The following TTC6 variants were observed in gnomAD, a reference collection of about 807,000 sequenced individuals.
TTC6 encodes the protein tetratricopeptide repeat protein 6.
Under a neutral mutation model 210.4 loss-of-function variants are expected in TTC6, and 172 were observed. The observed-to-expected ratio is 0.82, with a 90% CI of 0.72 to 0.93. The LOEUF (loss-of-function observed/expected upper bound fraction) is 0.93, where lower values mean the gene tolerates loss of function less well. Among genes scored for constraint, TTC6 ranks in the 40% least tolerant of loss-of-function variants. The pLI is 0.00. For synonymous variants in TTC6, 804 were observed against 819.6 expected, an observed-to-expected ratio of 0.98 and a Z score of 0.32; for missense variants, 2,414 against 2,318.1, an observed-to-expected ratio of 1.04 and a Z score of -0.85.
intron 14 of TTC6, among the ~76,000 whole-genome samples, chr14:37,773,875 C>T (rs967594127): frequency 6.6e-6 from 1 of 152,074 alleles, no homozygotes; most frequent in African/African-American, 2.4e-5. Context: ...AATGTTGATT[C>T]TTTCTATCCA....
At chr14:37,814,336 G>A (rs2096136687) in intron 25 of TTC6, among the ~76,000 whole-genome samples, 1 of 152,138 alleles carries the variant, frequency 6.6e-6, no homozygotes, top group Admixed American at 6.5e-5. Context: ...CCTGATCTGT[G>A]TATGATTCAT....
chr14:37,610,585 C>G (rs1566837397), intron 2 of TTC6, among the ~76,000 whole-genome samples: 2 of 152,138 alleles, frequency 1.3e-5, no homozygotes, highest in Non-Finnish European at 2.9e-5. Context: ...GAACACAACA[C>G]AAAACAATGG....
intron 3 of TTC6, among the ~76,000 whole-genome samples, chr14:37,693,940 ATAAT>A (rs939387375): frequency 1.3e-5 from 2 of 151,830 alleles, no homozygotes; most frequent in African/African-American, 4.8e-5. Flanking sequence ...AATTGATTAA[ATAAT>A]TAAATCTAAG....
At chr14:37,818,805 A>G (rs1382246703) in intron 26 of TTC6, among the ~76,000 whole-genome samples, 1 of 152,162 alleles carries the variant, frequency 6.6e-6, no homozygotes, top group Non-Finnish European at 1.5e-5. Flanking sequence ...CCTTTGTACA[A>G]TCTATCTCTT....
chr14:37,622,418 G>C, exon 1 of TTC6: 1 of 1,534,850 alleles, frequency 6.5e-7, no homozygotes, highest in East Asian at 2.5e-5. Flanking sequence ...TTCGCCCCCG[G>C]GACTTTTACT....
intron 14 of TTC6, among the ~76,000 whole-genome samples, chr14:37,767,305 G>A (rs1401239814): frequency 3.9e-5 from 6 of 152,100 alleles, no homozygotes; most frequent in Non-Finnish European, 7.3e-5. Flanking sequence ...AGTCCTTTGG[G>A]TATATACCCA....
intron 7 of TTC6, among the ~76,000 whole-genome samples, chr14:37,726,069 C>T (rs950574442): frequency 1.3e-5 from 2 of 152,042 alleles, no homozygotes; most frequent in African/African-American, 2.4e-5. Flanking sequence ...CCTTCTTCCT[C>T]CTCCTCTTTT....
intron 26 of TTC6, among the ~76,000 whole-genome samples, chr14:37,818,717 G>C (rs1213927480): frequency 6.6e-6 from 1 of 151,962 alleles, no homozygotes; most frequent in Non-Finnish European, 1.5e-5. Context: ...GTGTTAAAAG[G>C]CTTAAACTGG....
At chr14:37,798,727 T>G (rs1276051932) in intron 20 of TTC6, among the ~76,000 whole-genome samples, 1 of 152,110 alleles carries the variant, frequency 6.6e-6, no homozygotes, top group African/African-American at 2.4e-5. Flanking sequence ...TGGGATTGAT[T>G]TTTGTAGATA....
chr14:37,841,550 A>C, exon 30 of TTC6: 1 of 1,606,402 alleles, frequency 6.2e-7, no homozygotes, highest in African/African-American at 1.3e-5. Flanking sequence ...TGAAGAAGCA[A>C]AAGAAGATTT....
exon 31 of TTC6, chr14:37,842,287 T>C (rs2096211958): frequency 3.1e-6 from 5 of 1,599,300 alleles, no homozygotes; most frequent in Non-Finnish European, 4.3e-6. Context: ...GCCTCAGTTA[T>C]ATGATTACAT....
intron 5 of TTC6, among the ~76,000 whole-genome samples, chr14:37,705,389 A>C (rs34886614): frequency 0.057 from 8,692 of 152,238 alleles, 381 homozygotes; most frequent in Non-Finnish European, 0.089. Flanking sequence ...AACATGCAAG[A>C]AAATGCGAAA....
chr14:37,614,678 T>C (rs921250822), intron 2 of TTC6, among the ~76,000 whole-genome samples: 4 of 152,154 alleles, frequency 2.6e-5, no homozygotes, highest in African/African-American at 9.7e-5. Flanking sequence ...GTCTTTATTT[T>C]GTTTACCTTT....
At chr14:37,792,868 A>T (rs1422004637) in intron 17 of TTC6, among the ~76,000 whole-genome samples, 1 of 151,624 alleles carries the variant, frequency 6.6e-6, no homozygotes, top group Non-Finnish European at 1.5e-5. Context: ...ATAGAATGGG[A>T]TACTGACCAT....
chr14:37,790,775 T>C (rs1319849496), exon 16 of TTC6: 44 of 1,534,708 alleles, frequency 2.9e-5, no homozygotes, highest in Non-Finnish European at 3.6e-5. Flanking sequence ...GAATAGTCTA[T>C]GCACATCTAA....
At chr14:37,636,934 CTG>C (rs766418763) in intron 1 of TTC6, among the ~76,000 whole-genome samples, 2 of 152,122 alleles carry the variant, frequency 1.3e-5, no homozygotes, top group Non-Finnish European at 2.9e-5. Context: ...GTAATCAAGA[CTG>C]TGTGATATTG....
chr14:37,690,684 G>A (rs569526154), intron 3 of TTC6, among the ~76,000 whole-genome samples: 18 of 152,196 alleles, frequency 1.2e-4, no homozygotes, highest in East Asian at 3.9e-4. Flanking sequence ...GGATGTAACA[G>A]TTTTCATTAT....
chr14:37,703,324 T>G (rs2095829153), intron 5 of TTC6, among the ~76,000 whole-genome samples: 2 of 152,128 alleles, frequency 1.3e-5, no homozygotes, highest in South Asian at 4.1e-4. Flanking sequence ...TTCTATTTGA[T>G]GAGGATAATT....
At chr14:37,714,333 G>A (rs1408242517) in intron 5 of TTC6, among the ~76,000 whole-genome samples, 1 of 151,958 alleles carries the variant, frequency 6.6e-6, no homozygotes, top group Non-Finnish European at 1.5e-5. Context: ...TTGGAATGGG[G>A]AGTAGGTGAG....
Sources: allele counts gnomAD v4.1 joint callset (sites outside exome capture counted in the v4.1 genomes callset), GRCh38; gene constraint gnomAD v4.1.1; transcripts MANE v1.5; gene names NCBI Gene and HGNC (gene_info 2026-07-23, HGNC 2026-07-21).